RPS6KC1: variants seen among roughly 807,000 people sequenced by gnomAD.
RPS6KC1 encodes the protein ribosomal protein S6 kinase C1.
RPS6KC1 carries 54 observed loss-of-function variants against 103.8 expected under a neutral mutation model. That is an observed-to-expected ratio of 0.52 (90% CI 0.42 to 0.65). The LOEUF (loss-of-function observed/expected upper bound fraction) is 0.65, where lower values mean the gene tolerates loss of function less well. Among genes scored for constraint, RPS6KC1 ranks in the 30% least tolerant of loss-of-function variants. RPS6KC1 has a pLI of 0.00. For synonymous variants in RPS6KC1, 439 were observed against 438.7 expected, an observed-to-expected ratio of 1.00 and a Z score of -0.01; for missense variants, 1,151 against 1,253.8, an observed-to-expected ratio of 0.92 and a Z score of 1.24.
chr1:213,594,286 A>G, the RPS6KC1 span, among the ~76,000 whole-genome samples: 1 of 152,262 alleles, frequency 6.6e-6, no homozygotes. Context: ...CTATGTCTGT[A>G]AAAGACATCA....
chr1:213,598,863 G>A, the RPS6KC1 span, among the ~76,000 whole-genome samples: 1 of 152,280 alleles, frequency 6.6e-6, no homozygotes, highest in Non-Finnish European at 1.5e-5. Flanking sequence ...GGAGGTTGAG[G>A]TGAGCCGAGA....
chr1:213,745,420 T>TA, the RPS6KC1 span, among the ~76,000 whole-genome samples: 11,566 of 128,014 alleles, frequency 0.09, 593 homozygotes, highest in East Asian at 0.22. Flanking sequence ...TACTGTGACT[T>TA]AAAAAAAAAA....
the RPS6KC1 span, among the ~76,000 whole-genome samples, chr1:213,704,344 C>T: frequency 2.1e-5 from 3 of 140,658 alleles, no homozygotes; most frequent in Non-Finnish European, 4.5e-5. Context: ...GCCGAGATTG[C>T]GCCACTGCAC....
chr1:213,587,275 C>G, the RPS6KC1 span, among the ~76,000 whole-genome samples: 6 of 152,258 alleles, frequency 3.9e-5, no homozygotes, highest in Admixed American at 3.9e-4. Flanking sequence ...CAAATCAATG[C>G]TCTATCAAGG....
At chr1:213,080,631 G>A (rs922099765) in intron 3 of RPS6KC1, among the ~76,000 whole-genome samples, 1 of 152,088 alleles carries the variant, frequency 6.6e-6, no homozygotes, top group Non-Finnish European at 1.5e-5. Flanking sequence ...GGAGTGCAGT[G>A]GTGCAGTCCC....
chr1:213,682,221 C>T, the RPS6KC1 span, among the ~76,000 whole-genome samples: 2 of 152,212 alleles, frequency 1.3e-5, no homozygotes, highest in African/African-American at 2.4e-5. Context: ...CTTTCTGCCT[C>T]TGTGCCTGTA....
intron 2 of RPS6KC1, 76 bp from the exon 3 acceptor site, chr1:213,077,620 A>G (rs540692410): frequency 1.1e-6 from 1 of 917,054 alleles, no homozygotes; most frequent in African/African-American, 1.7e-5. Context: ...GAACACTTTA[A>G]TGAAAGGATT....
chr1:213,230,620 A>C, intron 9 of RPS6KC1, 76 bp downstream of exon 9: 1 of 1,070,136 alleles, frequency 9.3e-7, no homozygotes, highest in Non-Finnish European at 1.4e-6. Context: ...AGGTCACCTA[A>C]GGTCAGGAGT....
chr1:213,794,940 C>A, the RPS6KC1 span, among the ~76,000 whole-genome samples: 1 of 152,172 alleles, frequency 6.6e-6, no homozygotes. Context: ...CATAAATGCA[C>A]GTCTAGGTCA....
At chr1:213,219,250 A>G (rs1167979974) in intron 8 of RPS6KC1, among the ~76,000 whole-genome samples, 2 of 152,238 alleles carry the variant, frequency 1.3e-5, no homozygotes, top group Non-Finnish European at 2.9e-5. Flanking sequence ...CAACAGACAC[A>G]TGAAAAAATG....
chr1:213,445,539 G>A, the RPS6KC1 span, among the ~76,000 whole-genome samples: 1 of 152,130 alleles, frequency 6.6e-6, no homozygotes, highest in African/African-American at 2.4e-5. Context: ...ATGAAATTCA[G>A]GAAGTCTAAG....
chr1:213,823,726 C>CACACACACACACACACA, the RPS6KC1 span, among the ~76,000 whole-genome samples: 3 of 146,384 alleles, frequency 2.0e-5, no homozygotes, highest in South Asian at 2.2e-4. Context: ...GCTATCACAG[C>CACACACACACACACACA]CACACACACA....
At chr1:213,284,705 A>G in the RPS6KC1 span, among the ~76,000 whole-genome samples, 1 of 152,144 alleles carries the variant, frequency 6.6e-6, no homozygotes, top group East Asian at 1.9e-4. Context: ...GAACTAATAA[A>G]AACTAATTCA....
chr1:213,599,787 A>G, the RPS6KC1 span, among the ~76,000 whole-genome samples: 1 of 152,216 alleles, frequency 6.6e-6, no homozygotes, highest in Non-Finnish European at 1.5e-5. Context: ...AATGGATCAG[A>G]ATGACCTGCC....
chr1:213,672,900 A>G, the RPS6KC1 span, among the ~76,000 whole-genome samples: 1 of 152,164 alleles, frequency 6.6e-6, no homozygotes, highest in Non-Finnish European at 1.5e-5. Context: ...GGTTCCCATC[A>G]GGCCAGAAAC....
the RPS6KC1 span, among the ~76,000 whole-genome samples, chr1:213,654,300 G>T: frequency 7.2e-4 from 109 of 152,304 alleles, no homozygotes; most frequent in African/African-American, 2.6e-3. Context: ...CTTCAAGGCA[G>T]ATGTTTGGAA....
Position 213,152,391 on chromosome 1 carries a change from C to A in RPS6KC1, c.836-15467C>A, listed in dbSNP as rs550005203. Among the ~76,000 whole-genome samples the A allele has an allele frequency of 4.0e-5, 6 of 149,784 alleles. No homozygotes were observed. In the East Asian group the frequency reaches 1.2e-3, roughly 30 times the overall value. Reference sequence around the variant, plus strand: ...TGGGGCGGGGGGCTGACCCCCCCACCTCCCTCCCGGACGGGGTGGCTGCCG... The same window carrying A: ...TGGGGCGGGGGGCTGACCCCCCCACATCCCTCCCGGACGGGGTGGCTGCCG... On this transcript the variant is annotated intron_variant, in intron 6 of 14. Transcript: ENST00000366960.
At chr1:213,248,653 C>T (rs929017774) in intron 12 of RPS6KC1, among the ~76,000 whole-genome samples, 1 of 152,184 alleles carries the variant, frequency 6.6e-6, no homozygotes, top group Non-Finnish European at 1.5e-5. Context: ...ATTAAAGGAT[C>T]ACTTTAGGAG....
the RPS6KC1 span, among the ~76,000 whole-genome samples, chr1:213,281,147 C>G: frequency 6.6e-6 from 1 of 152,190 alleles, no homozygotes; most frequent in Non-Finnish European, 1.5e-5. Flanking sequence ...AACCCTCCAG[C>G]TGGTAAATGA....
Sources: allele counts gnomAD v4.1 joint callset (sites outside exome capture counted in the v4.1 genomes callset), GRCh38; gene constraint gnomAD v4.1.1; transcripts MANE v1.5; gene names NCBI Gene and HGNC (gene_info 2026-07-23, HGNC 2026-07-21).